The following CDC42SE2 variants were observed in gnomAD, a reference collection of about 807,000 sequenced individuals.
The protein encoded by CDC42SE2 is CDC42 small effector protein 2.
CDC42SE2 carries 3 observed loss-of-function variants against 11.5 expected under a neutral mutation model. That is an observed-to-expected ratio of 0.26 (90% CI 0.12 to 0.67). The LOEUF is 0.67. CDC42SE2 is among the 30% of genes least tolerant of loss of function. The pLI is 0.80. For missense variants in CDC42SE2, 82 were observed against 106.8 expected (o/e 0.77, Z 1.02); for synonymous variants, 33 against 34.8 (o/e 0.95, Z 0.18).
chr5:131,338,369 G>A (rs1300089423), intron 2 of CDC42SE2, among the ~76,000 whole-genome samples: 1 of 152,134 alleles, frequency 6.6e-6, no homozygotes, highest in Non-Finnish European at 1.5e-5. Flanking sequence ...GTTTTGTATT[G>A]TTTTGTTTAT....
chr5:131,367,191 A>G (rs1209163130), intron 3 of CDC42SE2, among the ~76,000 whole-genome samples: 1 of 152,016 alleles, frequency 6.6e-6, no homozygotes, highest in Non-Finnish European at 1.5e-5. Context: ...TATATCATGT[A>G]ATGATGCACA....
chr5:131,367,153 T>C (rs1019354748), intron 3 of CDC42SE2, among the ~76,000 whole-genome samples: 11 of 151,768 alleles, frequency 7.2e-5, no homozygotes, highest in African/African-American at 2.4e-4. Flanking sequence ...ATATATATCA[T>C]GTAATGATAT....
intron 2 of CDC42SE2, among the ~76,000 whole-genome samples, chr5:131,347,941 C>T (rs1002413479): frequency 3.9e-5 from 6 of 152,166 alleles, no homozygotes; most frequent in Admixed American, 6.5e-5. Context: ...TGACAAAATT[C>T]AACAACGCTT....
chr5:131,282,528 C>G (rs988153679), intron 1 of CDC42SE2, among the ~76,000 whole-genome samples: 5 of 152,102 alleles, frequency 3.3e-5, no homozygotes, highest in Admixed American at 3.3e-4. Flanking sequence ...AGAGATTATT[C>G]TAAGGAAGTA....
intron 1 of CDC42SE2, chr5:131,255,027 G>A (rs1365329448): frequency 6.6e-6 from 1 of 152,082 alleles, no homozygotes; most frequent in Non-Finnish European, 1.5e-5. Context: ...GCCAGAATGG[G>A]AAATATGTGT....
chr5:131,367,827 C>T (rs1027641324), intron 3 of CDC42SE2, among the ~76,000 whole-genome samples: 2 of 152,110 alleles, frequency 1.3e-5, no homozygotes, highest in African/African-American at 2.4e-5. Flanking sequence ...ATAATTCACC[C>T]AAATTTCCCT....
intron 2 of CDC42SE2, among the ~76,000 whole-genome samples, chr5:131,358,297 C>A (rs1749611161): frequency 6.6e-6 from 1 of 152,074 alleles, no homozygotes; most frequent in Non-Finnish European, 1.5e-5. Context: ...AGATATGTTG[C>A]CTTACAAAAC....
At chr5:131,372,204 CAG>C (rs1482831251) in intron 3 of CDC42SE2, among the ~76,000 whole-genome samples, 3 of 152,274 alleles carry the variant, frequency 2.0e-5, no homozygotes, top group South Asian at 4.1e-4. Flanking sequence ...GATAAGTAAA[CAG>C]AATCTCCTCT....
At chr5:131,222,102 G>A in the CDC42SE2 span, among the ~76,000 whole-genome samples, 3 of 152,230 alleles carry the variant, frequency 2.0e-5, no homozygotes, top group African/African-American at 7.2e-5. Context: ...ATGGGTGAGT[G>A]TTTCAGAAAT....
chr5:131,391,175 A>G lies in CDC42SE2; in HGVS notation c.*84A>G, dbSNP rs537340391. On this transcript the variant is annotated 3_prime_UTR_variant, in exon 5 of 5. Coordinates refer to ENST00000505065, the MANE Select transcript of CDC42SE2 (RefSeq NM_001375635.1). ...TGGCCAGGCCAATAATAGTAAATATATGTATATATATATAATTTTTTAATG... is the reference window on the plus strand; with the variant it reads ...TGGCCAGGCCAATAATAGTAAATATGTGTATATATATATAATTTTTTAATG... The G allele has an allele frequency of 7.6e-5, 41 of 542,930 alleles. 1 individual carries two copies. The South Asian group carries it at 1.5e-3, about 20-fold the overall frequency. The allele number at this position is 542,930 out of a possible 1,614,324, so 33.6% of individuals were successfully genotyped here.
intron 3 of CDC42SE2, among the ~76,000 whole-genome samples, chr5:131,362,112 T>C (rs1481429277): frequency 2.0e-5 from 3 of 152,152 alleles, no homozygotes; most frequent in Admixed American, 2.0e-4. Flanking sequence ...GCCCTAGCCA[T>C]GGACCTGCCT....
intron 1 of CDC42SE2, among the ~76,000 whole-genome samples, chr5:131,252,763 T>C (rs935599932): frequency 6.6e-6 from 1 of 152,244 alleles, no homozygotes; most frequent in Admixed American, 6.5e-5. Context: ...GAACTCATTC[T>C]CTAGTTCCCT....
chr5:131,385,400 T>C, intron 3 of CDC42SE2, 143 bp from the exon 4 acceptor site: 1 of 550,732 alleles, frequency 1.8e-6, no homozygotes, highest in Admixed American at 3.3e-5. Context: ...GGGGATTTCA[T>C]CATAAGAAGT....
Position 131,273,783 on chromosome 5 carries a change from AG to A in CDC42SE2, c.-455+9618del, listed in dbSNP as rs1396701665. On this transcript the variant is annotated intron_variant, in intron 1 of 4. Transcript: ENST00000505065. ...ACTCCGTCTCAAAAAAAAAAAAAAA[AG>A]TTTTTTTTTCTTGAGGCAGGGCCTT... 3.4e-3 allele frequency among the ~76,000 whole-genome samples: 513 copies of A among 150,312 alleles called. 1 individual carries two copies. The highest frequency in any genetic ancestry group is 0.012 in the African/African-American group (486 of 40,796).
intron 3 of CDC42SE2, among the ~76,000 whole-genome samples, chr5:131,381,230 TC>T (rs1561436570): frequency 1.3e-5 from 2 of 152,184 alleles, no homozygotes; most frequent in African/African-American, 2.4e-5. Flanking sequence ...AATTGCACAC[TC>T]TCTGCTGAAA....
At chr5:131,281,901 C>A (rs1561570996) in intron 1 of CDC42SE2, among the ~76,000 whole-genome samples, 1 of 152,140 alleles carries the variant, frequency 6.6e-6, no homozygotes, top group Non-Finnish European at 1.5e-5. Flanking sequence ...TGAAGTAATG[C>A]ACATAAAGCA....
intron 3 of CDC42SE2, among the ~76,000 whole-genome samples, chr5:131,382,837 C>T (rs1750363841): frequency 6.6e-6 from 1 of 152,020 alleles, no homozygotes; most frequent in Admixed American, 6.6e-5. Flanking sequence ...AAATTCGTAT[C>T]CTGTGATGGT....
chr5:131,339,213 ACTCCAGCGT>A (rs1189252703), intron 2 of CDC42SE2, among the ~76,000 whole-genome samples: 2 of 131,912 alleles, frequency 1.5e-5, no homozygotes, highest in Non-Finnish European at 3.1e-5. Context: ...GCACCACTGC[ACTCCAGCGT>A]GGTGACAGAG....
rs1749639394 is a variant in CDC42SE2 at position 131,359,208 on chromosome 5, G to C, written c.-285-1G>C. On this transcript the variant is annotated splice_acceptor_variant, in intron 2 of 4. Coordinates refer to ENST00000505065, the MANE Select transcript of CDC42SE2 (RefSeq NM_001375635.1). LOFTEE classifies it low-confidence loss of function (5UTR_SPLICE). Reference sequence around the variant, plus strand: ...TTTTACTTTTTCTTTTTTTTCCCTAGACTATCTGTTATAGTCCCTGGGTCA... The same window carrying C: ...TTTTACTTTTTCTTTTTTTTCCCTACACTATCTGTTATAGTCCCTGGGTCA... 1.2e-5 allele frequency: 4 copies of C among 320,980 alleles called. No individual in the cohort carries two copies. The highest frequency in any genetic ancestry group is 2.2e-5 in the Non-Finnish European group (4 of 178,022). The allele number at this position is 320,980 out of a possible 1,614,324, so 19.9% of individuals were successfully genotyped here. A position where few individuals can be genotyped will look rare whatever the true frequency, so the allele number is the denominator to read the frequency against.
Sources: allele counts gnomAD v4.1 joint callset (sites outside exome capture counted in the v4.1 genomes callset), GRCh38; gene constraint gnomAD v4.1.1; transcripts MANE v1.5; gene names NCBI Gene and HGNC (gene_info 2026-07-23, HGNC 2026-07-21).